Variants in CAMTA1 observed in about 807,000 individuals in gnomAD.
CAMTA1 encodes calmodulin binding transcription activator 1.
CAMTA1 carries 27 observed loss-of-function variants against 170.9 expected under a neutral mutation model. That is an observed-to-expected ratio of 0.16 (90% confidence interval 0.12 to 0.22). CAMTA1 has a LOEUF of 0.22. Ranked by LOEUF, CAMTA1 falls within the 10% of genes least tolerant of loss-of-function variation. The probability of loss-of-function intolerance (pLI) is 1.00; values close to 1 mark genes in which losing one functional copy is unlikely to be tolerated. For synonymous variants in CAMTA1, 833 were observed against 891.5 expected (o/e 0.93, Z 1.17); for missense variants, 1,619 against 2,217.2 (o/e 0.73, Z 5.42).
intron 3 of CAMTA1, among the ~76,000 whole-genome samples, chr1:7,021,814 T>G (rs1701392741): frequency 6.6e-6 from 1 of 152,218 alleles, no homozygotes; most frequent in South Asian, 2.1e-4. Flanking sequence ...AAGCCTGTAT[T>G]CTGCTTCCCT....
chr1:6,973,982 G>A (rs911652934), intron 3 of CAMTA1, among the ~76,000 whole-genome samples: 8 of 152,370 alleles, frequency 5.3e-5, no homozygotes, highest in African/African-American at 1.9e-4. Flanking sequence ...TGTGTGAAAT[G>A]TGATCCTCAA....
rs889499516 is a variant in CAMTA1, at chr1:7,738,551, A to G, written c.4182+69A>G. The G allele has an allele frequency of 3.1e-5, 47 of 1,516,166 alleles. No individual in the cohort carries two copies. The highest frequency in any genetic ancestry group is 4.1e-5 in the Non-Finnish European group (46 of 1,124,700). The allele number at this position is 1,516,166 out of a possible 1,614,324, so 93.9% of individuals were successfully genotyped here. A position where few individuals can be genotyped will look rare whatever the true frequency, so the allele number is the denominator to read the frequency against. Reference sequence around the variant, plus strand: ...CCAGTTGCTGTGATCTTTATGGTCCATTTCCGAAGGTTGTGTCATTTTCCT... The same window carrying G: ...CCAGTTGCTGTGATCTTTATGGTCCGTTTCCGAAGGTTGTGTCATTTTCCT... On this transcript the variant is annotated intron_variant, in intron 16 of 22. Transcript: ENST00000303635. This position sits in a 1 kb window ranked among gnomAD's most constrained non-coding sequence, Gnocchi z 4.9.
chr1:6,881,373 C>G (rs1408312095), intron 3 of CAMTA1, among the ~76,000 whole-genome samples: 1 of 152,160 alleles, frequency 6.6e-6, no homozygotes, highest in African/African-American at 2.4e-5. Context: ...ACTGTGACCA[C>G]TTGAAGGAAG....
At chr1:7,236,744 G>T (rs1244185327) in intron 4 of CAMTA1, among the ~76,000 whole-genome samples, 8 of 152,206 alleles carry the variant, frequency 5.3e-5, no homozygotes, top group Admixed American at 5.2e-4. Context: ...TCTCATGGTC[G>T]CAGTTGTCCT....
At chr1:7,170,316 ACTTTAAGTT>A (rs1649344963) in intron 4 of CAMTA1, among the ~76,000 whole-genome samples, 2 of 136,516 alleles carry the variant, frequency 1.5e-5, no homozygotes, top group South Asian at 4.5e-4. Context: ...TTTTAATTTT[ACTTTAAGTT>A]CTGGGATTCA....
chr1:6,826,936 T>G (rs1050118519), intron 3 of CAMTA1, among the ~76,000 whole-genome samples: 3 of 152,250 alleles, frequency 2.0e-5, no homozygotes, highest in Non-Finnish European at 4.4e-5. Flanking sequence ...ACATGTTTAA[T>G]AAAACCTCTA....
At chr1:6,966,679 C>T (rs1452187780) in intron 3 of CAMTA1, among the ~76,000 whole-genome samples, 6 of 138,270 alleles carry the variant, frequency 4.3e-5, no homozygotes, top group Non-Finnish European at 7.5e-5. Context: ...GGTGTGATTT[C>T]GGCTCACTGC....
At chr1:7,291,390 C>T (rs1323522239) in intron 5 of CAMTA1, among the ~76,000 whole-genome samples, 1 of 152,090 alleles carries the variant, frequency 6.6e-6, no homozygotes, top group Non-Finnish European at 1.5e-5. Context: ...AACAGTGGGC[C>T]TCAGTCTCGT....
intron 6 of CAMTA1, among the ~76,000 whole-genome samples, chr1:7,571,357 C>T (rs752804008): frequency 5.3e-5 from 8 of 152,100 alleles, no homozygotes; most frequent in Non-Finnish European, 7.4e-5. Flanking sequence ...ATTTTAGGTT[C>T]GGGGTACCTG....
At chr1:7,714,191 C>T (rs906137894) in intron 11 of CAMTA1, among the ~76,000 whole-genome samples, 3 of 152,080 alleles carry the variant, frequency 2.0e-5, no homozygotes, top group Admixed American at 1.3e-4. Flanking sequence ...AAGTGAAGGC[C>T]CACTGACCTG....
chr1:7,392,081 A>T (rs907463075), intron 5 of CAMTA1, among the ~76,000 whole-genome samples: 1 of 152,176 alleles, frequency 6.6e-6, no homozygotes, highest in Non-Finnish European at 1.5e-5. Flanking sequence ...AAACTACCCA[A>T]CTGTGTTCCA....
intron 5 of CAMTA1, among the ~76,000 whole-genome samples, chr1:7,375,616 C>T (rs931552055): frequency 2.6e-5 from 4 of 152,320 alleles, no homozygotes; most frequent in Admixed American, 2.6e-4. Flanking sequence ...CCGTCTGGAG[C>T]AGCAACAGGC....
At chr1:7,707,116 C>T (rs1047137448) in intron 11 of CAMTA1, among the ~76,000 whole-genome samples, 7 of 151,884 alleles carry the variant, frequency 4.6e-5, no homozygotes, top group Non-Finnish European at 8.8e-5. Context: ...GAACTCCTGA[C>T]CTTGTGATCT....
At chr1:6,815,632 T>C (rs1645704159) in intron 1 of CAMTA1, among the ~76,000 whole-genome samples, 1 of 152,250 alleles carries the variant, frequency 6.6e-6, no homozygotes, top group Admixed American at 6.5e-5. Flanking sequence ...AAGTACTTTT[T>C]AAATCTTCTA....
chr1:7,541,718 G>A (rs2094613181), intron 6 of CAMTA1, among the ~76,000 whole-genome samples: 1 of 152,220 alleles, frequency 6.6e-6, no homozygotes, highest in African/African-American at 2.4e-5. Context: ...TGCAGCCTTT[G>A]GTTGTTCTGT....
intron 5 of CAMTA1, among the ~76,000 whole-genome samples, chr1:7,424,455 G>T (rs1406983891): frequency 1.3e-5 from 2 of 151,828 alleles, no homozygotes; most frequent in African/African-American, 4.8e-5. Context: ...AGGATGAGGG[G>T]GGGTGGGGGT....
intron 5 of CAMTA1, among the ~76,000 whole-genome samples, chr1:7,352,172 A>G (rs2084729936): frequency 7.0e-6 from 1 of 143,778 alleles, no homozygotes; most frequent in African/African-American, 2.9e-5. Flanking sequence ...GGAGAGAAGG[A>G]GGAAGTGGGC....
chr1:7,369,476 C>T (rs773442978), intron 5 of CAMTA1, among the ~76,000 whole-genome samples: 3 of 152,072 alleles, frequency 2.0e-5, no homozygotes, highest in Admixed American at 6.5e-5. Flanking sequence ...ATCTGTTATG[C>T]GTGTGGTTAA....
At chr1:7,763,593 A>G (rs1464125493) in intron 22 of CAMTA1, among the ~76,000 whole-genome samples, 4 of 152,222 alleles carry the variant, frequency 2.6e-5, no homozygotes, top group Non-Finnish European at 5.9e-5. Context: ...AACTGAAAAA[A>G]CTGCAAAAAC....
Sources: allele counts gnomAD v4.1 joint callset (sites outside exome capture counted in the v4.1 genomes callset), GRCh38; gene constraint gnomAD v4.1.1; non-coding constraint Gnocchi (gnomAD v3.1); transcripts MANE v1.5; gene names NCBI Gene and HGNC (gene_info 2026-07-23, HGNC 2026-07-21).